LARGE1: variants seen among roughly 807,000 people sequenced by gnomAD.
LARGE1 encodes the protein xylosyl- and glucuronyltransferase LARGE1.
In LARGE1, 43 loss-of-function variants were observed where a neutral mutation model predicts 87.6. That is an observed-to-expected ratio of 0.49 (90% CI 0.38 to 0.63). The LOEUF is 0.63. Among genes scored for constraint, LARGE1 ranks in the 30% least tolerant of loss-of-function variants. LARGE1 has a pLI of 0.00. For synonymous variants in LARGE1, 434 were observed against 394.6 expected (o/e 1.10, Z -1.18); for missense variants, 802 against 1,000.2 (o/e 0.80, Z 2.67).
At chr22:33,094,313 C>T in the LARGE1 span, among the ~76,000 whole-genome samples, 2 of 152,222 alleles carry the variant, frequency 1.3e-5, no homozygotes, top group South Asian at 2.1e-4. Flanking sequence ...ATCTTTTGCA[C>T]GGACCGTTGC....
intron 6 of LARGE1, among the ~76,000 whole-genome samples, chr22:33,552,760 A>C (rs969984596): frequency 3.3e-5 from 5 of 152,374 alleles, no homozygotes; most frequent in African/African-American, 1.2e-4. Context: ...ACCATCTGTC[A>C]AGTTGCTTTT....
At chr22:33,863,365 T>C (rs1236241158) in intron 1 of LARGE1, among the ~76,000 whole-genome samples, 1 of 152,058 alleles carries the variant, frequency 6.6e-6, no homozygotes, top group African/African-American at 2.4e-5. Context: ...TGCCCAACAG[T>C]CTCCTGCCTC....
intron 2 of LARGE1, among the ~76,000 whole-genome samples, chr22:33,736,597 T>C (rs543334884): frequency 2.6e-5 from 4 of 152,250 alleles, no homozygotes; most frequent in Non-Finnish European, 5.9e-5. Context: ...TTTAATTTTC[T>C]TGAAGGAACC....
At chr22:33,283,689 A>G (rs1191808205) in intron 12 of LARGE1, among the ~76,000 whole-genome samples, 1 of 152,042 alleles carries the variant, frequency 6.6e-6, no homozygotes, top group Non-Finnish European at 1.5e-5. Context: ...AGGCATGACA[A>G]TTGCTGGAGC....
chr22:33,381,771 C>A (rs1268726732), intron 9 of LARGE1, 148 bp downstream of exon 9: 3 of 1,128,244 alleles, frequency 2.7e-6, no homozygotes, highest in East Asian at 2.4e-5. Context: ...CAACACCCCA[C>A]AAAGATGAAA....
At chr22:33,135,867 T>G in the LARGE1 span, among the ~76,000 whole-genome samples, 11 of 151,476 alleles carry the variant, frequency 7.3e-5, no homozygotes, top group African/African-American at 2.4e-4. Flanking sequence ...CAAAATAAAA[T>G]AAAATAAAAT....
Position 33,274,422 on chromosome 22 carries a change from TG to T in LARGE1, c.*4del. The T allele has an allele frequency of 6.2e-7, 1 of 1,614,078 alleles. No homozygotes were observed. The highest frequency in any genetic ancestry group is 8.5e-7 in the Non-Finnish European group (1 of 1,179,950). ...TGTCTCCCCCTAGTGGTGGGCTTCT[TG>T]GTGCTAGCTGTTGTTCTCGGCTGTG... On this transcript the variant is annotated 3_prime_UTR_variant, in exon 15 of 15. Transcript: ENST00000397394.
chr22:33,886,155 G>C (rs909129548), intron 1 of LARGE1, among the ~76,000 whole-genome samples: 1 of 152,166 alleles, frequency 6.6e-6, no homozygotes, highest in African/African-American at 2.4e-5. Flanking sequence ...TAGATCCATG[G>C]AAGCCAGCCC....
At chr22:33,218,150 G>A (rs1262216370) in intron 11 of LARGE1, among the ~76,000 whole-genome samples, 3 of 151,896 alleles carry the variant, frequency 2.0e-5, no homozygotes, top group African/African-American at 7.3e-5. Context: ...GGCTTGTCTC[G>A]AAGTCCTAAC....
intron 6 of LARGE1, among the ~76,000 whole-genome samples, chr22:33,502,446 G>A (rs1027290653): frequency 6.6e-6 from 1 of 152,150 alleles, no homozygotes; most frequent in Non-Finnish European, 1.5e-5. Context: ...AGTGAACCAC[G>A]GAGCAGGCAT....
chr22:33,785,117 G>GTATATACA (rs2085577820), intron 1 of LARGE1, among the ~76,000 whole-genome samples: 2 of 58,874 alleles, frequency 3.4e-5, no homozygotes, highest in Non-Finnish European at 6.5e-5. Flanking sequence ...ATACATATGT[G>GTATATACA]TATATGCATA....
chr22:33,357,960 G>C (rs1941053667), intron 9 of LARGE1, among the ~76,000 whole-genome samples: 1 of 152,066 alleles, frequency 6.6e-6, no homozygotes, highest in African/African-American at 2.4e-5. Context: ...CAGATGAAAA[G>C]ACTTGGTTAG....
In LARGE1 at chr22:33,908,023, G is replaced by A. The variant is rs143114886; in HGVS notation, c.-83+11972C>T. On this transcript the variant is annotated intron_variant, in intron 1 of 14. Transcript: ENST00000397394. Reference sequence around the variant, plus strand: ...CAATGGCCATTCTGGTCATTGGTGAGAGGGGGAAGGTTTTCTTTAGATTCC... The same window carrying A: ...CAATGGCCATTCTGGTCATTGGTGAAAGGGGGAAGGTTTTCTTTAGATTCC... Among the ~76,000 whole-genome samples the A allele has an allele frequency of 7.9e-5, 12 of 152,274 alleles. No individual in the cohort carries two copies. In the East Asian group the frequency reaches 1.7e-3, roughly 22 times the overall value.
chr22:33,376,624 G>T (rs1173037277), intron 9 of LARGE1, among the ~76,000 whole-genome samples: 1 of 152,150 alleles, frequency 6.6e-6, no homozygotes, highest in Non-Finnish European at 1.5e-5. Flanking sequence ...TTTTCACTTG[G>T]TAGGATAATG....
chr22:33,815,519 A>G (rs2086623352), intron 1 of LARGE1, among the ~76,000 whole-genome samples: 1 of 152,206 alleles, frequency 6.6e-6, no homozygotes, highest in Non-Finnish European at 1.5e-5. Context: ...CTGTTTTAAA[A>G]TAAGTGGTTG....
rs115870709 is a variant in LARGE1, at chr22:33,512,849, T to G, written c.787+51999A>C. On this transcript the variant is annotated intron_variant, in intron 6 of 14. Transcript: ENST00000397394. The stretch of plus-strand genomic sequence containing the variant: ...ATGGTGATCTTCAGGTAGTAGGAGA[T>G]GTATGATTCTTCTCTTTTCCCCTAA... Among the ~76,000 whole-genome samples the G allele has an allele frequency of 4.9e-3, 740 of 152,316 alleles. 6 individuals carry two copies. Among genetic ancestry groups the G allele is most frequent in the African/African-American group, 0.017 (689 of 41,564 alleles).
chr22:33,858,192 G>A (rs1601792494), intron 1 of LARGE1, among the ~76,000 whole-genome samples: 1 of 152,208 alleles, frequency 6.6e-6, no homozygotes, highest in Admixed American at 6.5e-5. Flanking sequence ...CCTTTAGCCC[G>A]ATCGGGAGCG....
intron 7 of LARGE1, among the ~76,000 whole-genome samples, chr22:33,416,838 G>C (rs994160792): frequency 4.0e-5 from 6 of 150,380 alleles, no homozygotes; most frequent in Non-Finnish European, 7.4e-5. Flanking sequence ...TCCTGACCTT[G>C]TGATCTGCTA....
At chr22:33,270,814 G>C (rs749987795), downstream of LARGE1, among the ~76,000 whole-genome samples, 1 of 152,204 alleles carries the variant, frequency 6.6e-6, no homozygotes, top group African/African-American at 2.4e-5. Context: ...GTCCTTTCAT[G>C]ATGGGGCACA....
Sources: gnomAD v4.1 joint callset for allele counts (sites outside exome capture counted in the v4.1 genomes callset) on GRCh38, gnomAD v4.1.1 for gene constraint, MANE v1.5 for transcripts, NCBI Gene and HGNC (gene_info 2026-07-23, HGNC 2026-07-21) for gene names.